Variants in PRKN observed in about 807,000 individuals in gnomAD.
The protein encoded by PRKN is E3 ubiquitin-protein ligase parkin.
PRKN carries 56 observed loss-of-function variants against 59.5 expected under a neutral mutation model. The observed-to-expected ratio is 0.94, with a 90% CI of 0.76 to 1.18. The LOEUF (loss-of-function observed/expected upper bound fraction) is 1.18. Among genes scored for constraint, PRKN ranks in the 50% most tolerant of loss-of-function variants. The pLI is 0.00. For synonymous variants in PRKN, 250 were observed against 222.1 expected, an observed-to-expected ratio of 1.13 and a Z score of -1.12; for missense variants, 657 against 596.4, an observed-to-expected ratio of 1.10 and a Z score of -1.06.
At chr6:161,903,936 T>C (rs1306293507) in intron 6 of PRKN, among the ~76,000 whole-genome samples, 1 of 151,784 alleles carries the variant, frequency 6.6e-6, no homozygotes, top group Admixed American at 6.6e-5. Context: ...ACAATTCAGA[T>C]ACAAACAGGG....
intron 1 of PRKN, among the ~76,000 whole-genome samples, chr6:162,602,807 T>C (rs1474213989): frequency 2.0e-5 from 3 of 152,156 alleles, no homozygotes; most frequent in Non-Finnish European, 4.4e-5. Flanking sequence ...AAAGCACCAA[T>C]GGGTCTCAAA....
intron 7 of PRKN, among the ~76,000 whole-genome samples, chr6:161,632,960 G>T (rs1050659197): frequency 6.6e-6 from 1 of 152,190 alleles, no homozygotes; most frequent in African/African-American, 2.4e-5. Context: ...AGATTTGGGT[G>T]GGGACACAGT....
At chr6:162,021,505 T>C (rs1783199289) in intron 5 of PRKN, among the ~76,000 whole-genome samples, 1 of 149,610 alleles carries the variant, frequency 6.7e-6, no homozygotes, top group Non-Finnish European at 1.5e-5. Flanking sequence ...AAATAATCTT[T>C]TAATTTCGTT....
At chr6:162,371,611 G>T (rs1220848410) in intron 2 of PRKN, among the ~76,000 whole-genome samples, 1 of 152,084 alleles carries the variant, frequency 6.6e-6, no homozygotes, top group Non-Finnish European at 1.5e-5. Context: ...ACACAATTAA[G>T]GTGTTATCTG....
intron 6 of PRKN, among the ~76,000 whole-genome samples, chr6:161,925,439 C>T (rs868621850): frequency 1.1e-4 from 17 of 152,126 alleles, no homozygotes; most frequent in Middle Eastern, 3.4e-3. Context: ...GGTGTGGTGG[C>T]GGGCGCCTGT....
intron 7 of PRKN, among the ~76,000 whole-genome samples, chr6:161,585,397 T>C (rs1781484999): frequency 1.3e-5 from 2 of 152,208 alleles, no homozygotes; most frequent in Admixed American, 1.3e-4. Context: ...GTCAGAATAA[T>C]GTCAAATAAT....
intron 5 of PRKN, among the ~76,000 whole-genome samples, chr6:162,039,016 C>T (rs890446718): frequency 3.3e-5 from 5 of 151,962 alleles, no homozygotes; most frequent in Non-Finnish European, 7.4e-5. Context: ...ATGAGCCAGG[C>T]GTGGTGGCGG....
At chr6:161,590,388 G>A (rs1781674529) in intron 7 of PRKN, among the ~76,000 whole-genome samples, 1 of 151,304 alleles carries the variant, frequency 6.6e-6, no homozygotes, top group Non-Finnish European at 1.5e-5. Flanking sequence ...AGTTGAGGTC[G>A]GGAGTTCGTG....
intron 6 of PRKN, among the ~76,000 whole-genome samples, chr6:161,823,915 C>T (rs754880836): frequency 1.3e-5 from 2 of 152,182 alleles, no homozygotes; most frequent in Non-Finnish European, 2.9e-5. Flanking sequence ...AGGACAGGTG[C>T]CCCTTTCCAC....
intron 4 of PRKN, among the ~76,000 whole-genome samples, chr6:162,101,513 A>AC (rs1391116030): frequency 1.3e-5 from 2 of 151,800 alleles, no homozygotes; most frequent in African/African-American, 4.8e-5. Flanking sequence ...CTAAAAAAAA[A>AC]ATACAAAAAT....
rs113204495 is a variant in PRKN at position 162,470,577 on chromosome 6, C to A, written c.8-27104G>T. On this transcript the variant is annotated intron_variant, in intron 1 of 11. Coordinates refer to ENST00000366898, the MANE Select transcript of PRKN (RefSeq NM_004562.3). ...CTGCACTCCAGCCTAGGCAACACTG[C>A]GAAACTCTGTCTCAAAAAAAAGTAT... Among the ~76,000 whole-genome samples, 70 of 149,628 alleles carry A rather than the reference C, an allele frequency of 4.7e-4. No homozygotes were observed. In the East Asian group the frequency reaches 0.011, roughly 24 times the overall value.
chr6:162,019,652 C>A (rs976473690), intron 5 of PRKN, among the ~76,000 whole-genome samples: 4 of 152,154 alleles, frequency 2.6e-5, no homozygotes, highest in African/African-American at 9.7e-5. Flanking sequence ...AGTCCTTGGT[C>A]CACGCTTTGT....
intron 9 of PRKN, among the ~76,000 whole-genome samples, chr6:161,469,505 A>T (rs1156404810): frequency 6.8e-6 from 1 of 146,388 alleles, no homozygotes; most frequent in African/African-American, 2.5e-5. Context: ...TGAGGTGGGG[A>T]GATAATTCTG....
rs1272300673 is a variant in PRKN at position 162,445,634 on chromosome 6, G to C, written c.8-2161C>G. Among the ~76,000 whole-genome samples, 3 of 123,904 alleles carry C rather than the reference G, an allele frequency of 2.4e-5. No homozygotes were observed. In the East Asian group the frequency reaches 8.4e-4, roughly 35 times the overall value. The allele number at this position is 123,904 out of a possible 152,430, so 81.3% of individuals were successfully genotyped here. On this transcript the variant is annotated intron_variant, in intron 1 of 11. Transcript: ENST00000366898. ...GTAAGCCCAGGAATTAGAGGTTTCA[G>C]TGAGCTATGGTTGTGCCATTGCACT...
rs1286877267 is a variant in PRKN, at chr6:161,552,802, T to TG, written c.934-3800_934-3799insC. ...TTTTGTTGTTGTTTTTGTTTTTTGTTTTTTTTTTTTAGACGGAGTCTCGTT... is the reference window on the plus strand; with the variant it reads ...TTTTGTTGTTGTTTTTGTTTTTTGTTGTTTTTTTTTTAGACGGAGTCTCGTT... On this transcript the variant is annotated intron_variant, in intron 8 of 11. Transcript: ENST00000366898. The surrounding 1 kb of genome is among the most constrained non-coding windows in gnomAD (Gnocchi z 4.9). Among the ~76,000 whole-genome samples the TG allele has an allele frequency of 2.0e-5, 3 of 147,904 alleles. No individual in the cohort carries two copies. The highest frequency in any genetic ancestry group is 3.0e-5 in the Non-Finnish European group (2 of 66,742).
intron 1 of PRKN, among the ~76,000 whole-genome samples, chr6:162,653,723 A>G (rs1583988296): frequency 1.3e-5 from 2 of 152,286 alleles, no homozygotes; most frequent in African/African-American, 2.4e-5. Flanking sequence ...CTACTGTGAG[A>G]ATAGCAGAGG....
At chr6:162,255,886 T>C (rs1779620640) in intron 3 of PRKN, among the ~76,000 whole-genome samples, 1 of 152,184 alleles carries the variant, frequency 6.6e-6, no homozygotes, top group Admixed American at 6.5e-5. Context: ...TTTAATCCAC[T>C]GAAGTAAATT....
chr6:161,514,029 G>C (rs1778496874), intron 9 of PRKN, among the ~76,000 whole-genome samples: 1 of 151,720 alleles, frequency 6.6e-6, no homozygotes, highest in African/African-American at 2.4e-5. Context: ...AGGACCCCAG[G>C]AATTACGATC....
intron 5 of PRKN, among the ~76,000 whole-genome samples, chr6:162,040,936 G>C (rs984532984): frequency 6.6e-6 from 1 of 151,472 alleles, no homozygotes; most frequent in African/African-American, 2.4e-5. Context: ...GAATACCATG[G>C]AACGTTGGGA....
Sources: gnomAD v4.1 joint callset for allele counts (sites outside exome capture counted in the v4.1 genomes callset) on GRCh38, gnomAD v4.1.1 for gene constraint, Gnocchi (gnomAD v3.1) non-coding constraint, MANE v1.5 for transcripts, NCBI Gene and HGNC (gene_info 2026-07-23, HGNC 2026-07-21) for gene names.